The following MCCD1 variants were observed in gnomAD, a reference collection of about 807,000 sequenced individuals.
The protein encoded by MCCD1 is mitochondrial coiled-coil domain 1.
Under a neutral mutation model 5.6 loss-of-function variants are expected in MCCD1, and 5 were observed. That is an observed-to-expected ratio of 0.89 (90% CI 0.46 to 1.87). The LOEUF is 1.87. Among genes scored for constraint, MCCD1 ranks in the 40% most tolerant of loss-of-function variants. MCCD1 has a pLI of 0.01. For missense variants in MCCD1, 178 were observed against 141.8 expected, an observed-to-expected ratio of 1.26 and a Z score of -1.30; for synonymous variants, 70 against 57.3, an observed-to-expected ratio of 1.22 and a Z score of -1.00.
At chr6:31,529,533 G>A (rs114064880) in intron 1 of MCCD1, among the ~76,000 whole-genome samples, 2,338 of 152,200 alleles carry the variant, frequency 0.015, 28 homozygotes, top group Non-Finnish European at 0.019. Context: ...CCTGGGCCAG[G>A]GAACTCTATT....
chr6:31,529,912 G>A lies in MCCD1; in HGVS notation c.337G>A (p.Glu113Lys). Residue 113 changes from glutamate (E) to lysine (K), a missense_variant, in exon 2 of 2, where the codon GAG becomes AAG. Coordinates refer to ENST00000376191, the MANE Select transcript of MCCD1 (RefSeq NM_001011700.3). ...GAAGGAACAGATGAGGAGGCACCAA[G>A]AGAGCCTTGGAGGAGGCGCCTAAGT... ...KLKEQMRRHQ[E>K]SLGGGA is the part of the protein sequence containing the mutation. 3 of 1,538,310 alleles carry A rather than the reference G, an allele frequency of 2.0e-6. No individual in the cohort carries two copies. The highest frequency in any genetic ancestry group is 2.6e-6 in the Non-Finnish European group (3 of 1,139,860).
Position 31,529,928 on chromosome 6 carries a change from G to T in MCCD1, c.353G>T (p.Gly118Val). The T allele has an allele frequency of 2.0e-6, 3 of 1,520,666 alleles. No individual in the cohort carries two copies. Among genetic ancestry groups the T allele is most frequent in the Non-Finnish European group, 2.7e-6 (3 of 1,128,876 alleles). 94.2% of individuals were successfully genotyped at this position (1,520,666 alleles called of 1,614,324 possible). Residue 118 changes from glycine to valine, a missense_variant, in exon 2 of 2, where the codon GGC becomes GTC. Physicochemically the swap from Gly to Val is moderately radical, Grantham distance 109 (BLOSUM62 -3). Transcript: ENST00000376191. ...AGGCACCAAGAGAGCCTTGGAGGAGGCGCCTAAGTTTCCCCCAGTGCCCAC... is the reference window on the plus strand; with the variant it reads ...AGGCACCAAGAGAGCCTTGGAGGAGTCGCCTAAGTTTCCCCCAGTGCCCAC... ...MRRHQESLGG[G>V]A
chr6:31,529,303 TTC>T (rs1766862847), intron 1 of MCCD1, 118 bp downstream of exon 1: 1 of 1,149,370 alleles, frequency 8.7e-7, no homozygotes, highest in Non-Finnish European at 1.2e-6. Context: ...TGCAGCTCTT[TTC>T]TTAGTTCAGC....
In MCCD1 at chr6:31,529,790, AGTT is replaced by A. The variant is rs772659540; in HGVS notation, c.220_222del (p.Leu74del). The A allele has an allele frequency of 1.9e-6, 3 of 1,572,266 alleles. No homozygotes were observed. The highest frequency in any genetic ancestry group is 1.8e-5 in the Admixed American group (1 of 56,142). On this transcript the variant is annotated inframe_deletion, in exon 2 of 2. Transcript: ENST00000376191. ...ACAGCTGAGCTGGCCCGAGCTGAAG[AGTT>A]GTTGGAGCAGCAGCTGGAGCTGTAC...
intron 1 of MCCD1, 71 bp downstream of exon 1, chr6:31,529,256 A>C: frequency 6.7e-7 from 1 of 1,497,936 alleles, no homozygotes; most frequent in East Asian, 2.3e-5. Flanking sequence ...AAAAACCCTC[A>C]ATCCCACCCT....
Position 31,529,925 on chromosome 6 carries a change from G to A in MCCD1, c.350G>A (p.Gly117Glu), listed in dbSNP as rs1366721317. Residue 117 changes from glycine to glutamate, a missense_variant, in exon 2 of 2, where the codon GGA becomes GAA. Coordinates refer to ENST00000376191, the MANE Select transcript of MCCD1 (RefSeq NM_001011700.3). Reference protein sequence around the residue: ...QMRRHQESLGGGA With the variant: ...QMRRHQESLGEGA ...AGGAGGCACCAAGAGAGCCTTGGAG[G>A]AGGCGCCTAAGTTTCCCCCAGTGCC... The A allele has an allele frequency of 2.9e-5, 44 of 1,523,404 alleles. No homozygotes were observed. The highest frequency in any genetic ancestry group is 3.9e-5 in the Non-Finnish European group (44 of 1,130,438). The allele number at this position is 1,523,404 out of a possible 1,614,324, so 94.4% of individuals were successfully genotyped here. A position where few individuals can be genotyped will look rare whatever the true frequency, so the allele number is the denominator to read the frequency against.
At position 31,529,813 on chromosome 6, in the gene MCCD1, C is replaced by T. The variant is rs1352911079; in HGVS notation, c.238C>T (p.Leu80=). The change falls in exon 2 of 2, where the codon CTG becomes TTG. Residue 80 remains leucine, a synonymous_variant. Transcript: ENST00000376191. ...AEELLEQQLE[L]YQALLEGQEG... is the part of the protein sequence containing the mutation. ...AGAGTTGTTGGAGCAGCAGCTGGAG[C>T]TGTACCAGGCCCTCCTTGAAGGGCA... is the stretch of plus-strand genomic sequence containing the variant. 6.3e-7 allele frequency: 1 copy of T among 1,593,918 alleles called. No individual in the cohort carries two copies. The highest frequency in any genetic ancestry group is 8.5e-7 in the Non-Finnish European group (1 of 1,169,974).
chr6:31,529,389 C>T lies in MCCD1; in HGVS notation c.171+204C>T, dbSNP rs141468276. Among the ~76,000 whole-genome samples the T allele has an allele frequency of 3.1e-3, 422 of 136,022 alleles. 14 individuals carry two copies. In the South Asian group the frequency reaches 0.065, roughly 21 times the overall value. The allele number at this position is 136,022 out of a possible 152,430, so 89.2% of individuals were successfully genotyped here. A position where few individuals can be genotyped will look rare whatever the true frequency, so the allele number is the denominator to read the frequency against. ...TCCCTCACCCCACCCCCACCCACAA[C>T]AGCACAGTCCACAAAGTCCTTGAAC... On this transcript the variant is annotated intron_variant, in intron 1 of 1. Coordinates refer to ENST00000376191, the MANE Select transcript of MCCD1 (RefSeq NM_001011700.3).
At position 31,529,203 on chromosome 6, in the gene MCCD1, T is replaced by C. The variant is rs1405358555; in HGVS notation, c.171+18T>C. On this transcript the variant is annotated intron_variant, in intron 1 of 1. Coordinates refer to ENST00000376191, the MANE Select transcript of MCCD1 (RefSeq NM_001011700.3). ...CTCCCAGGGTAAGTGGCACCACAGG[T>C]AGGAACAGAGGGTGTGAGAATTTAC... The C allele has an allele frequency of 1.2e-6, 2 of 1,609,928 alleles. No individual in the cohort carries two copies. The highest frequency in any genetic ancestry group is 1.7e-6 in the Non-Finnish European group (2 of 1,178,520).
Position 31,530,080 on chromosome 6 carries a change from G to C in MCCD1, c.*145G>C. Reference sequence around the variant, plus strand: ...AAAGCGCAGGCAATTGGCAGGCAGTGGGGGAGCCAGGGCTCTGCAGTCTTA... The same window carrying C: ...AAAGCGCAGGCAATTGGCAGGCAGTCGGGGAGCCAGGGCTCTGCAGTCTTA... On this transcript the variant is annotated 3_prime_UTR_variant, in exon 2 of 2. Transcript: ENST00000376191. The surrounding 1 kb of genome is among the most constrained non-coding windows in gnomAD (Gnocchi z 4.5). 3 of 1,379,786 alleles carry C rather than the reference G, an allele frequency of 2.2e-6. No individual in the cohort carries two copies. The highest frequency in any genetic ancestry group is 3.3e-5 in the South Asian group (2 of 61,306). The allele number at this position is 1,379,786 out of a possible 1,614,324, so 85.5% of individuals were successfully genotyped here. A position where few individuals can be genotyped will look rare whatever the true frequency, so the allele number is the denominator to read the frequency against.
At position 31,529,039 on chromosome 6, in the gene MCCD1, T is replaced by C. The variant is rs1211466702; in HGVS notation, c.25T>C (p.Ser9Pro). The change falls in exon 1 of 2, where the codon TCT becomes CCT. Residue 9 changes from serine to proline, a missense_variant. Coordinates refer to ENST00000376191, the MANE Select transcript of MCCD1 (RefSeq NM_001011700.3). The stretch of plus-strand genomic sequence containing the variant: ...CATGGTCCTCCCTCTGCCCTGGCTC[T>C]CTCGGTACCATTTCCTTCGCCTCCT... The part of the protein sequence containing the change: MVLPLPWL[S>P]RYHFLRLLLP... 6.2e-7 allele frequency: 1 copy of C among 1,611,756 alleles called. No individual in the cohort carries two copies. Among genetic ancestry groups the C allele is most frequent in the South Asian group, 1.1e-5 (1 of 90,832 alleles).
At position 31,529,172 on chromosome 6, in the gene MCCD1, C is replaced by T. The variant is rs78957773; in HGVS notation, c.158C>T (p.Thr53Met). The change falls in exon 1 of 2, where the codon ACG becomes ATG. Residue 53 changes from threonine (T) to methionine (M), a missense_variant. Coordinates refer to ENST00000376191, the MANE Select transcript of MCCD1 (RefSeq NM_001011700.3). ...AGCTCCAGAGGAAATGGGAAGATGA[C>T]GTCCCCTCCCAGGGTAAGTGGCACC... Reference protein sequence around the residue: ...QTSSRGNGKMTSPPRGPGTHR... With the variant: ...QTSSRGNGKMMSPPRGPGTHR... 0.022 allele frequency: 34,872 copies of T among 1,610,606 alleles called. 608 individuals carry two copies. Among genetic ancestry groups the T allele is most frequent in the Admixed American group, 0.04 (2,411 of 59,956 alleles).
At chr6:31,529,254 T>C (rs776945669) in intron 1 of MCCD1, 69 bp downstream of exon 1, 5 of 1,512,866 alleles carry the variant, frequency 3.3e-6, no homozygotes, top group Non-Finnish European at 4.5e-6. Context: ...AAAAAAACCC[T>C]CAATCCCACC....
chr6:31,529,521 C>G (rs1355730116), intron 1 of MCCD1, among the ~76,000 whole-genome samples: 1 of 152,150 alleles, frequency 6.6e-6, no homozygotes, highest in Non-Finnish European at 1.5e-5. Context: ...CCAGTTACAG[C>G]CCCTGGGCCA....
chr6:31,529,134 G>A lies in MCCD1; in HGVS notation c.120G>A (p.Met40Ile), dbSNP rs1286864879. The change falls in exon 1 of 2, where the codon ATG becomes ATA. Residue 40 changes from methionine to isoleucine, a missense_variant. By Grantham distance (10) the Met-to-Ile change is conservative. Coordinates refer to ENST00000376191, the MANE Select transcript of MCCD1 (RefSeq NM_001011700.3). The stretch of plus-strand genomic sequence containing the variant: ...GCTCCCAAAACCCCAAAGCAAGCAT[G>A]GAAGAGCAGACCAGCTCCAGAGGAA... Reference protein sequence around the residue: ...GCCSQNPKASMEEQTSSRGNG... With the variant: ...GCCSQNPKASIEEQTSSRGNG... 3 of 1,612,640 alleles carry A rather than the reference G, an allele frequency of 1.9e-6. No homozygotes were observed. The highest frequency in any genetic ancestry group is 2.2e-5 in the South Asian group (2 of 91,058).
chr6:31,529,515 T>C (rs1246725513), intron 1 of MCCD1, among the ~76,000 whole-genome samples: 1 of 152,074 alleles, frequency 6.6e-6, no homozygotes, highest in African/African-American at 2.4e-5. Context: ...AGGAAGCCAG[T>C]TACAGCCCCT....
rs748820778 is a variant in MCCD1, at chr6:31,529,160, A to G, written c.146A>G (p.Asn49Ser). The change falls in exon 1 of 2, where the codon AAT becomes AGT. Residue 49 changes from asparagine to serine, a missense_variant. Transcript: ENST00000376191. ...GAAGAGCAGACCAGCTCCAGAGGAA[A>G]TGGGAAGATGACGTCCCCTCCCAGG... ...SMEEQTSSRG[N>S]GKMTSPPRGP... 2.5e-6 allele frequency: 4 copies of G among 1,612,438 alleles called. No homozygotes were observed. The highest frequency in any genetic ancestry group is 3.4e-6 in the Non-Finnish European group (4 of 1,179,778).
Position 31,529,932 on chromosome 6 carries a change from C to T in MCCD1, c.357C>T (p.Ala119=). 1 of 1,503,376 alleles carries T rather than the reference C, an allele frequency of 6.7e-7. No homozygotes were observed. Among genetic ancestry groups the T allele is most frequent in the Non-Finnish European group, 8.9e-7 (1 of 1,119,050 alleles). 93.1% of individuals were successfully genotyped at this position (1,503,376 alleles called of 1,614,324 possible). ...ACCAAGAGAGCCTTGGAGGAGGCGC[C>T]TAAGTTTCCCCCAGTGCCCACAGCA... ...RRHQESLGGG[A] Residue 119 remains alanine (A), a synonymous_variant, in exon 2 of 2, where the codon GCC becomes GCT. Coordinates refer to ENST00000376191, the MANE Select transcript of MCCD1 (RefSeq NM_001011700.3).
chr6:31,530,098 C>A lies in MCCD1; in HGVS notation c.*163C>A. 1 of 1,315,886 alleles carries A rather than the reference C, an allele frequency of 7.6e-7. No individual in the cohort carries two copies. Among genetic ancestry groups the A allele is most frequent in the Non-Finnish European group, 1.0e-6 (1 of 991,390 alleles). The allele number at this position is 1,315,886 out of a possible 1,614,324, so 81.5% of individuals were successfully genotyped here. A position where few individuals can be genotyped will look rare whatever the true frequency, so the allele number is the denominator to read the frequency against. Reference sequence around the variant, plus strand: ...AGGCAGTGGGGGAGCCAGGGCTCTGCAGTCTTAGTCCCATTCCCCTTTGAT... The same window carrying A: ...AGGCAGTGGGGGAGCCAGGGCTCTGAAGTCTTAGTCCCATTCCCCTTTGAT... On this transcript the variant is annotated 3_prime_UTR_variant, in exon 2 of 2. Coordinates refer to ENST00000376191, the MANE Select transcript of MCCD1 (RefSeq NM_001011700.3). This position sits in a 1 kb window ranked among gnomAD's most constrained non-coding sequence, Gnocchi z 4.5.
Sources: allele counts gnomAD v4.1 joint callset (sites outside exome capture counted in the v4.1 genomes callset), GRCh38; gene constraint gnomAD v4.1.1; non-coding constraint Gnocchi (gnomAD v3.1); transcripts MANE v1.5; gene names NCBI Gene and HGNC (gene_info 2026-07-23, HGNC 2026-07-21).